NDUFA10: variants seen among roughly 807,000 people sequenced by gnomAD.
NDUFA10 encodes the protein NADH:ubiquinone oxidoreductase subunit A10.
Under a neutral mutation model 47.8 loss-of-function variants are expected in NDUFA10, and 40 were observed. The ratio of observed to expected loss-of-function variants is 0.84; its 90% CI spans 0.65 to 1.09. NDUFA10 has a LOEUF of 1.09. Ranked by LOEUF, NDUFA10 falls within the 50% of genes least tolerant of loss-of-function variation. The pLI, the probability that NDUFA10 is intolerant of heterozygous loss-of-function variation, is 0.00. For missense variants in NDUFA10, 413 were observed against 451.1 expected (o/e 0.92, Z 0.76); for synonymous variants, 183 against 172.2 (o/e 1.06, Z -0.49).
chr2:239,902,538 G>A (rs1000579758), intron 4 of NDUFA10, among the ~76,000 whole-genome samples: 4 of 152,166 alleles, frequency 2.6e-5, no homozygotes, highest in African/African-American at 9.7e-5. Context: ...AAACATCTGT[G>A]CAACTTACTT....
chr2:239,934,613 A>G (rs1292969901), intron 4 of NDUFA10, among the ~76,000 whole-genome samples: 1 of 152,166 alleles, frequency 6.6e-6, no homozygotes, highest in Non-Finnish European at 1.5e-5. Flanking sequence ...TACTGGGAGC[A>G]TTCAACATCC....
chr2:239,979,749 A>T (rs1170646680), intron 9 of NDUFA10, among the ~76,000 whole-genome samples: 1 of 152,072 alleles, frequency 6.6e-6, no homozygotes, highest in Non-Finnish European at 1.5e-5. Flanking sequence ...CCTGAGACCC[A>T]GATGATGCCA....
At chr2:239,922,598 G>T (rs2106369058) in intron 4 of NDUFA10, among the ~76,000 whole-genome samples, 1 of 152,382 alleles carries the variant, frequency 6.6e-6, no homozygotes, top group East Asian at 1.9e-4. Flanking sequence ...GCTGGGCATT[G>T]CCATTACCAC....
chr2:239,907,071 A>C (rs527805819), intron 4 of NDUFA10, among the ~76,000 whole-genome samples: 1 of 152,198 alleles, frequency 6.6e-6, no homozygotes, highest in Admixed American at 6.5e-5. Flanking sequence ...ATATAGACCA[A>C]TGGAACAGAT....
At chr2:240,014,573 T>TC in intron 5 of NDUFA10, 166 bp downstream of exon 5, 4 of 1,130,684 alleles carry the variant, frequency 3.5e-6, no homozygotes, top group Non-Finnish European at 3.9e-6. Context: ...CCATGGGGTC[T>TC]CCCCTCCACC....
Position 239,959,696 on chromosome 2 carries a change from G to A in NDUFA10, c.*1422C>T, listed in dbSNP as rs111849093. The A allele has an allele frequency of 2.1e-4, 175 of 846,952 alleles. 2 individuals are homozygous for A. The African/African-American group carries it at 3.2e-3, about 16-fold the overall frequency. The allele number at this position is 846,952 out of a possible 1,614,324, so 52.5% of individuals were successfully genotyped here. A position where few individuals can be genotyped will look rare whatever the true frequency, so the allele number is the denominator to read the frequency against. On this transcript the variant is annotated 3_prime_UTR_variant, in exon 10 of 10. Coordinates refer to ENST00000252711, the MANE Select transcript of NDUFA10 (RefSeq NM_004544.4). ...GAAGGAAGGAAGAGAAGGAGGGAAG[G>A]AAAGAGGCAGGGAGGAAAACAAGGA...
chr2:239,960,553 C>T lies in NDUFA10; in HGVS notation c.*565G>A, dbSNP rs1694809553. 1.0e-6 allele frequency: 1 copy of T among 998,252 alleles called. No individual in the cohort carries two copies. The highest frequency in any genetic ancestry group is 1.2e-6 in the Non-Finnish European group (1 of 835,788). 61.8% of individuals were successfully genotyped at this position (998,252 alleles called of 1,614,324 possible). Reference sequence around the variant, plus strand: ...TTCTCCTTTTGCTATTTCTTCTTCACGTTCTTATTTTTTCTACTCTAATGT... The same window carrying T: ...TTCTCCTTTTGCTATTTCTTCTTCATGTTCTTATTTTTTCTACTCTAATGT... On this transcript the variant is annotated 3_prime_UTR_variant, in exon 10 of 10. Transcript: ENST00000252711.
chr2:240,018,422 C>A, intron 4 of NDUFA10, 131 bp downstream of exon 4: 1 of 1,568,542 alleles, frequency 6.4e-7, no homozygotes, highest in Non-Finnish European at 8.7e-7. Flanking sequence ...CCAGCGGAGA[C>A]CGATTAAGTA....
At chr2:239,956,312 G>A (rs1203143125), downstream of NDUFA10, among the ~76,000 whole-genome samples, 1 of 152,188 alleles carries the variant, frequency 6.6e-6, no homozygotes, top group Admixed American at 6.5e-5. Context: ...GAGAAGACGT[G>A]AGTGGCCATC....
chr2:239,917,912 C>A (rs571349817), intron 4 of NDUFA10, among the ~76,000 whole-genome samples: 31 of 152,328 alleles, frequency 2.0e-4, no homozygotes, highest in African/African-American at 6.7e-4. Context: ...GACATGTGAG[C>A]CCTGAGAAGG....
intron 4 of NDUFA10, among the ~76,000 whole-genome samples, chr2:239,941,351 C>T (rs1476297366): frequency 2.6e-5 from 4 of 152,162 alleles, no homozygotes; most frequent in Non-Finnish European, 5.9e-5. Context: ...ACACTTCCCA[C>T]GCCCGATGAT....
chr2:240,007,444 C>A, intron 6 of NDUFA10, 74 bp from the exon 7 acceptor site: 2 of 1,018,468 alleles, frequency 2.0e-6, no homozygotes, highest in Non-Finnish European at 3.1e-6. Context: ...TGAATACATA[C>A]CGCTAAAGTC....
At chr2:240,012,517 T>C (rs1484634184) in intron 5 of NDUFA10, 1 of 152,236 alleles carries the variant, frequency 6.6e-6, no homozygotes, top group African/African-American at 2.4e-5. Context: ...AAGAAATGAA[T>C]AGGCCTGCGG....
intron 4 of NDUFA10, among the ~76,000 whole-genome samples, chr2:239,939,752 G>C (rs1182366260): frequency 6.6e-6 from 1 of 152,246 alleles, no homozygotes; most frequent in Non-Finnish European, 1.5e-5. Context: ...GGGGCTACCA[G>C]GCACACGGAA....
intron 9 of NDUFA10, among the ~76,000 whole-genome samples, chr2:239,981,673 A>G (rs548053205): frequency 3.9e-5 from 6 of 152,330 alleles, no homozygotes; most frequent in African/African-American, 1.2e-4. Context: ...CCTAACCTCC[A>G]GGTATCAACA....
intron 4 of NDUFA10, among the ~76,000 whole-genome samples, chr2:239,924,077 G>T (rs541784650): frequency 6.6e-6 from 1 of 152,216 alleles, no homozygotes; most frequent in East Asian, 1.9e-4. Flanking sequence ...TTCTTTAAAA[G>T]TCTCCATGCC....
rs150119076 is a variant in NDUFA10, at chr2:239,985,193, G to A, written c.999+4881C>T. On this transcript the variant is annotated intron_variant, in intron 9 of 9. Coordinates refer to ENST00000252711, the MANE Select transcript of NDUFA10 (RefSeq NM_004544.4). ...ACCCCAAACCAAACGTTAGGGACCAGACCACTCACACAGGCCTACAAAAGA... is the reference window on the plus strand; with the variant it reads ...ACCCCAAACCAAACGTTAGGGACCAAACCACTCACACAGGCCTACAAAAGA... 2.4e-4 allele frequency among the ~76,000 whole-genome samples: 36 copies of A among 152,260 alleles called. No homozygotes were observed. The East Asian group carries it at 6.6e-3, about 28-fold the overall frequency.
At chr2:239,990,444 T>C (rs1001198109) in intron 8 of NDUFA10, among the ~76,000 whole-genome samples, 1 of 152,204 alleles carries the variant, frequency 6.6e-6, no homozygotes, top group Non-Finnish European at 1.5e-5. Flanking sequence ...GACGACCTTC[T>C]GGGAATGGAT....
chr2:239,938,303 T>C (rs920500422), intron 4 of NDUFA10, among the ~76,000 whole-genome samples: 4 of 152,174 alleles, frequency 2.6e-5, no homozygotes, highest in African/African-American at 9.7e-5. Context: ...CTGTCCAGGC[T>C]GGCCGTCCCA....
Sources: allele counts gnomAD v4.1 joint callset (sites outside exome capture counted in the v4.1 genomes callset), GRCh38; gene constraint gnomAD v4.1.1; transcripts MANE v1.5; gene names NCBI Gene and HGNC (gene_info 2026-07-23, HGNC 2026-07-21).